The following HNF4G variants were observed in gnomAD, a reference collection of about 807,000 sequenced individuals.
HNF4G encodes hepatocyte nuclear factor 4 gamma.
Under a neutral mutation model 50.9 loss-of-function variants are expected in HNF4G, and 21 were observed. The observed-to-expected ratio is 0.41, with a 90% CI of 0.29 to 0.59. The LOEUF is 0.59. Ranked by LOEUF, HNF4G falls within the 20% of genes least tolerant of loss-of-function variation. The pLI is 0.26. For missense variants in HNF4G, 527 were observed against 559.4 expected (o/e 0.94, Z 0.58); for synonymous variants, 198 against 185.6 (o/e 1.07, Z -0.54).
At chr8:75,489,211 C>T (rs553802705) in intron 1 of HNF4G, among the ~76,000 whole-genome samples, 1 of 152,182 alleles carries the variant, frequency 6.6e-6, no homozygotes, top group South Asian at 2.1e-4. Context: ...TTCTAAATGG[C>T]AGAATCTGTG....
At chr8:75,439,514 T>G (rs1363373881) in intron 1 of HNF4G, among the ~76,000 whole-genome samples, 1 of 152,058 alleles carries the variant, frequency 6.6e-6, no homozygotes, top group African/African-American at 2.4e-5. Context: ...GCTTCTGACT[T>G]TCATTTTTGT....
chr8:75,517,819 C>T (rs1420863059), intron 2 of HNF4G, among the ~76,000 whole-genome samples: 2 of 152,038 alleles, frequency 1.3e-5, no homozygotes, highest in Non-Finnish European at 2.9e-5. Context: ...GGCAGTGCCC[C>T]AGTAGGGACC....
intron 1 of HNF4G, among the ~76,000 whole-genome samples, chr8:75,423,957 G>A (rs1810835696): frequency 6.6e-6 from 1 of 150,498 alleles, no homozygotes; most frequent in Admixed American, 6.7e-5. Flanking sequence ...CCGAGTAGCT[G>A]GGACTACAAG....
chr8:75,453,671 T>A (rs531016024), intron 1 of HNF4G, among the ~76,000 whole-genome samples: 1 of 152,138 alleles, frequency 6.6e-6, no homozygotes, highest in Non-Finnish European at 1.5e-5. Flanking sequence ...AGCTCCATTC[T>A]TGAAGTCAGT....
chr8:75,547,681 G>A lies in HNF4G; in HGVS notation c.382G>A (p.Ala128Thr). 4 of 1,507,136 alleles carry A rather than the reference G, an allele frequency of 2.7e-6. No individual in the cohort carries two copies. The highest frequency in any genetic ancestry group is 3.7e-6 in the Non-Finnish European group (4 of 1,082,878). The allele number at this position is 1,507,136 out of a possible 1,614,324, so 93.4% of individuals were successfully genotyped here. A position where few individuals can be genotyped will look rare whatever the true frequency, so the allele number is the denominator to read the frequency against. The change falls in exon 3 of 10, where the codon GCT becomes ACT. Residue 128 changes from alanine (A) to threonine (T), a missense_variant and splice_region_variant. Coordinates refer to ENST00000396423, the MANE Select transcript of HNF4G (RefSeq NM_004133.5). ...KCFRAGMKKE[A>T]VQNERDRIST... Reference sequence around the variant, plus strand: ...TTTTAGAGCGGGAATGAAAAAAGAAGGTAATAATAATGATGATGATAATTA... The same window carrying A: ...TTTTAGAGCGGGAATGAAAAAAGAAAGTAATAATAATGATGATGATAATTA...
chr8:75,465,121 G>C (rs1440671737), intron 1 of HNF4G, among the ~76,000 whole-genome samples: 1 of 152,146 alleles, frequency 6.6e-6, no homozygotes, highest in Non-Finnish European at 1.5e-5. Flanking sequence ...AGTAAGGGAT[G>C]ATATGGTATT....
At chr8:75,554,731 A>G (rs1478487111) in intron 5 of HNF4G, among the ~76,000 whole-genome samples, 1 of 152,212 alleles carries the variant, frequency 6.6e-6, no homozygotes, top group African/African-American at 2.4e-5. Flanking sequence ...AAGGTGGATA[A>G]CTTAAAAAAT....
intron 3 of HNF4G, 66 bp from the exon 4 acceptor site, chr8:75,551,322 T>C (rs1806946568): frequency 1.1e-6 from 1 of 903,884 alleles, no homozygotes; most frequent in South Asian, 1.6e-5. Context: ...AAAAACTCCT[T>C]AAAATCTATA....
chr8:75,535,127 A>G (rs1181291623), upstream of HNF4G, among the ~76,000 whole-genome samples: 2 of 151,820 alleles, frequency 1.3e-5, no homozygotes, highest in Admixed American at 6.6e-5. Flanking sequence ...AAAAAAATGT[A>G]TAAAGCTCTT....
At chr8:75,458,663 T>C (rs779643792) in intron 1 of HNF4G, among the ~76,000 whole-genome samples, 22 of 152,182 alleles carry the variant, frequency 1.4e-4, no homozygotes, top group Non-Finnish European at 2.2e-4. Flanking sequence ...TACATGTGAA[T>C]TGAATTTACG....
At chr8:75,536,680 G>T (rs980138031), upstream of HNF4G, among the ~76,000 whole-genome samples, 1 of 152,004 alleles carries the variant, frequency 6.6e-6, no homozygotes, top group South Asian at 2.1e-4. Flanking sequence ...TTGTGCCATA[G>T]ACATGTTTAT....
intron 1 of HNF4G, among the ~76,000 whole-genome samples, chr8:75,428,530 C>G (rs1810937244): frequency 6.6e-6 from 1 of 152,124 alleles, no homozygotes; most frequent in Non-Finnish European, 1.5e-5. Context: ...TATGCAATAG[C>G]TGATACAATC....
At chr8:75,444,941 T>C (rs1811387369) in intron 1 of HNF4G, among the ~76,000 whole-genome samples, 1 of 143,656 alleles carries the variant, frequency 7.0e-6, no homozygotes, top group Admixed American at 7.0e-5. Context: ...AATAGACATC[T>C]ACAGAACTCT....
At chr8:75,434,377 C>T (rs943211270) in intron 1 of HNF4G, among the ~76,000 whole-genome samples, 1 of 151,862 alleles carries the variant, frequency 6.6e-6, no homozygotes, top group Admixed American at 6.6e-5. Context: ...CATGAAAATG[C>T]CACATATCAA....
At chr8:75,474,091 CAG>C (rs750448263) in intron 1 of HNF4G, among the ~76,000 whole-genome samples, 63,727 of 151,494 alleles carry the variant, frequency 0.42, 15,798 homozygotes, top group African/African-American at 0.71. Flanking sequence ...TAAAGAAGGC[CAG>C]AAGGTCTTTA....
chr8:75,486,633 A>C (rs1476258163), intron 1 of HNF4G, among the ~76,000 whole-genome samples: 1 of 152,206 alleles, frequency 6.6e-6, no homozygotes. Context: ...AAATTCAGGC[A>C]AAAAACAAAC....
intron 1 of HNF4G, among the ~76,000 whole-genome samples, chr8:75,461,132 A>G (rs1335320052): frequency 6.6e-6 from 1 of 152,162 alleles, no homozygotes; most frequent in East Asian, 1.9e-4. Flanking sequence ...GCTGTCACAA[A>G]TTACCACGAA....
chr8:75,518,897 C>T (rs1054229966), intron 2 of HNF4G, among the ~76,000 whole-genome samples: 4 of 152,190 alleles, frequency 2.6e-5, no homozygotes, highest in African/African-American at 9.7e-5. Flanking sequence ...TGAATTTCTC[C>T]TCAGAAAATG....
chr8:75,500,052 C>T (rs1159834557), intron 2 of HNF4G, among the ~76,000 whole-genome samples: 1 of 152,014 alleles, frequency 6.6e-6, no homozygotes, highest in African/African-American at 2.4e-5. Context: ...AACCATTGTG[C>T]TTCAAAAGAC....
Sources: gnomAD v4.1 joint callset for allele counts (sites outside exome capture counted in the v4.1 genomes callset) on GRCh38, gnomAD v4.1.1 for gene constraint, MANE v1.5 for transcripts, NCBI Gene and HGNC (gene_info 2026-07-23, HGNC 2026-07-21) for gene names.